Variants in CHST12 observed in about 807,000 individuals in gnomAD.
CHST12 encodes carbohydrate (chondroitin 4) sulfotransferase 12.
Under a neutral mutation model 27.9 loss-of-function variants are expected in CHST12, and 23 were observed. The observed-to-expected ratio is 0.82, with a 90% CI of 0.59 to 1.17. The LOEUF (loss-of-function observed/expected upper bound fraction) is 1.17. CHST12 is among the 50% of genes most tolerant of loss of function. The pLI is 0.00. For synonymous variants in CHST12, 322 were observed against 273.0 expected (o/e 1.18, Z -1.77); for missense variants, 682 against 603.0 (o/e 1.13, Z -1.37).
In CHST12 at chr7:2,433,713, G is replaced by T. The variant is rs914777420; in HGVS notation, c.1074G>T (p.Val358=). The T allele has an allele frequency of 1.2e-6, 2 of 1,613,510 alleles. No individual in the cohort carries two copies. Among genetic ancestry groups the T allele is most frequent in the African/African-American group, 2.7e-5 (2 of 74,936 alleles). Residue 358 remains valine, a synonymous_variant, in exon 2 of 2, where the codon GTG becomes GTT. Transcript: ENST00000618655. The surrounding 1 kb of genome is among the most constrained non-coding windows in gnomAD (Gnocchi z 6.1). ...CGCAGCTGCTGCAGCTACTCCAGGT[G>T]GACCGGCAGCTCCGCTTCCCCCCGA... ...DAAQLLQLLQ[V]DRQLRFPPSY... is the part of the protein sequence containing the mutation.
At chr7:2,418,788 G>T (rs111265006) in intron 1 of CHST12, among the ~76,000 whole-genome samples, 4 of 142,150 alleles carry the variant, frequency 2.8e-5, no homozygotes, top group African/African-American at 1.1e-4. Flanking sequence ...TGTTGTTTCT[G>T]TTGCTGTTGT....
chr7:2,413,581 A>T (rs1295435229), intron 1 of CHST12, among the ~76,000 whole-genome samples: 2 of 152,100 alleles, frequency 1.3e-5, no homozygotes, highest in African/African-American at 4.8e-5. Flanking sequence ...TAAATGTCAT[A>T]TAAATGGAAC....
intron 1 of CHST12, among the ~76,000 whole-genome samples, chr7:2,406,071 T>G (rs917518337): frequency 6.6e-6 from 1 of 152,096 alleles, no homozygotes; most frequent in African/African-American, 2.4e-5. Context: ...AGACGGGTTA[T>G]TGATGATACT....
intron 1 of CHST12, among the ~76,000 whole-genome samples, chr7:2,416,242 C>T (rs1286374968): frequency 6.6e-6 from 1 of 152,216 alleles, no homozygotes; most frequent in Non-Finnish European, 1.5e-5. Context: ...TATTTGGCCA[C>T]ATCTTCAGGC....
In CHST12 at chr7:2,433,670, C is replaced by A; in HGVS notation, c.1031C>A (p.Thr344Asn). The change falls in exon 2 of 2, where the codon ACT becomes AAT. Residue 344 changes from threonine to asparagine, a missense_variant. Thr to Asn is a moderately conservative substitution (Grantham distance 65). Coordinates refer to ENST00000618655, the MANE Select transcript of CHST12 (RefSeq NM_018641.5). This position sits in a 1 kb window ranked among gnomAD's most constrained non-coding sequence, Gnocchi z 6.1. ...TACGACTTCGTGGGGAAGCTGGAGA[C>A]TCTGGACGAGGACGCCGCGCAGCTG... ...IDYDFVGKLE[T>N]LDEDAAQLLQ... 6.2e-7 allele frequency: 1 copy of A among 1,613,566 alleles called. No homozygotes were observed. Among genetic ancestry groups the A allele is most frequent in the Non-Finnish European group, 8.5e-7 (1 of 1,179,760 alleles).
At chr7:2,412,898 GTT>G (rs11330967) in intron 1 of CHST12, among the ~76,000 whole-genome samples, 16 of 146,874 alleles carry the variant, frequency 1.1e-4, no homozygotes, top group African/African-American at 2.5e-4. Context: ...CAAATAGACA[GTT>G]TTTTTTTTTT....
intron 1 of CHST12, among the ~76,000 whole-genome samples, chr7:2,423,947 G>A (rs1033834306): frequency 6.6e-6 from 1 of 152,050 alleles, no homozygotes; most frequent in Non-Finnish European, 1.5e-5. Flanking sequence ...CACGCCTATG[G>A]TCCCAGCTAC....
chr7:2,425,888 A>G (rs911079758), intron 1 of CHST12, among the ~76,000 whole-genome samples: 8 of 151,898 alleles, frequency 5.3e-5, no homozygotes, highest in African/African-American at 1.9e-4. Flanking sequence ...TTCTGAATGC[A>G]GATTCTGGGG....
chr7:2,426,417 TACAC>T (rs1337601329), intron 1 of CHST12, among the ~76,000 whole-genome samples: 4 of 152,106 alleles, frequency 2.6e-5, no homozygotes, highest in African/African-American at 9.7e-5. Context: ...TAATTAAACA[TACAC>T]ACCCCAAATA....
rs375932272 is a variant in CHST12 at position 2,439,032 on chromosome 7, C to T, written c.*5148C>T. ...AGGGCCACCAGATCGGGGGCCGGGC[C>T]GGGGTGAGCACCTGAAGCCGGCTCC... On this transcript the variant is annotated 3_prime_UTR_variant, in exon 2 of 2. Transcript: ENST00000618655. 9.2e-5 allele frequency: 14 copies of T among 152,342 alleles called. No individual in the cohort carries two copies. Among genetic ancestry groups the T allele is most frequent in the African/African-American group, 2.2e-4 (9 of 41,570 alleles). 9.4% of individuals were successfully genotyped at this position (152,342 alleles called of 1,614,324 possible).
chr7:2,439,814 G>A lies in CHST12; in HGVS notation c.*5930G>A, dbSNP rs945750369. ...GAATGGCGTGAACCCGGGAGGCGGA[G>A]CTTGCAGTGAGCGGAGATTGGCGCC... is the stretch of plus-strand genomic sequence containing the variant. On this transcript the variant is annotated 3_prime_UTR_variant, in exon 2 of 2. Transcript: ENST00000618655. The A allele has an allele frequency of 9.2e-5, 14 of 151,958 alleles. No homozygotes were observed. Among genetic ancestry groups the A allele is most frequent in the African/African-American group, 3.1e-4 (13 of 41,438 alleles). 9.4% of individuals were successfully genotyped at this position (151,958 alleles called of 1,614,324 possible).
At chr7:2,413,204 G>C (rs1412758138) in intron 1 of CHST12, among the ~76,000 whole-genome samples, 2 of 152,204 alleles carry the variant, frequency 1.3e-5, no homozygotes, top group African/African-American at 2.4e-5. Flanking sequence ...CTTGGTCTCA[G>C]TATCCCTTCC....
chr7:2,420,776 C>A (rs1447671023), intron 1 of CHST12, among the ~76,000 whole-genome samples: 1 of 152,142 alleles, frequency 6.6e-6, no homozygotes, highest in Non-Finnish European at 1.5e-5. Flanking sequence ...CACAGTGAGA[C>A]CCTGTCTCAG....
chr7:2,410,914 G>A (rs1301466714), intron 1 of CHST12, among the ~76,000 whole-genome samples: 1 of 152,082 alleles, frequency 6.6e-6, no homozygotes, highest in Non-Finnish European at 1.5e-5. Context: ...AAAATGGATT[G>A]TGTGGGCCTG....
intron 1 of CHST12, among the ~76,000 whole-genome samples, chr7:2,416,641 A>T (rs1275837952): frequency 1.3e-5 from 2 of 152,224 alleles, no homozygotes; most frequent in African/African-American, 4.8e-5. Flanking sequence ...GTATTTTGCC[A>T]AGGTTAAGAA....
At position 2,432,974 on chromosome 7, in the gene CHST12, G is replaced by T. The variant is rs774169204; in HGVS notation, c.335G>T (p.Arg112Leu). ...RGYDWSPRDA[R>L]RSPDQGRQQA... ...TACGACTGGTCCCCGCGCGACGCCC[G>T]GCGCAGCCCAGACCAGGGCCGGCAG... Residue 112 changes from arginine to leucine, a missense_variant, in exon 2 of 2, where the codon CGG becomes CTG. Physicochemically the swap from Arg to Leu is moderately radical, Grantham distance 102. Transcript: ENST00000618655. The T allele has an allele frequency of 1.9e-6, 3 of 1,608,678 alleles. No homozygotes were observed. Among genetic ancestry groups the T allele is most frequent in the Admixed American group, 3.3e-5 (2 of 59,820 alleles).
Position 2,433,224 on chromosome 7 carries a change from C to T in CHST12, c.585C>T (p.Pro195=), listed in dbSNP as rs1450888731. Reference sequence around the variant, plus strand: ...GAAGCCTGCTGCACCGCGGTGCGCCCTACCGCGACCCGCTGCGCATCCCGC... The same window carrying T: ...GAAGCCTGCTGCACCGCGGTGCGCCTTACCGCGACCCGCTGCGCATCCCGC... ...LSGSLLHRGA[P]YRDPLRIPRE... Residue 195 remains proline (P), a synonymous_variant, in exon 2 of 2, where the codon CCC becomes CCT. Coordinates refer to ENST00000618655, the MANE Select transcript of CHST12 (RefSeq NM_018641.5). The surrounding 1 kb of genome is among the most constrained non-coding windows in gnomAD (Gnocchi z 6.1). The T allele has an allele frequency of 3.1e-6, 5 of 1,612,196 alleles. No individual in the cohort carries two copies. The highest frequency in any genetic ancestry group is 1.7e-5 in the Admixed American group (1 of 59,968).
In CHST12 at chr7:2,435,462, C is replaced by G. The variant is rs964109156; in HGVS notation, c.*1578C>G. Reference sequence around the variant, plus strand: ...CCTTGAACCCTCAGGTTTGATGGGCCCTGTCTTGATAAAAGTGTCAGAGGA... The same window carrying G: ...CCTTGAACCCTCAGGTTTGATGGGCGCTGTCTTGATAAAAGTGTCAGAGGA... On this transcript the variant is annotated 3_prime_UTR_variant, in exon 2 of 2. Transcript: ENST00000618655. The G allele has an allele frequency of 6.6e-6, 1 of 152,092 alleles. No homozygotes were observed. The highest frequency in any genetic ancestry group is 1.5e-5 in the Non-Finnish European group (1 of 68,040). 9.4% of individuals were successfully genotyped at this position (152,092 alleles called of 1,614,324 possible).
intron 1 of CHST12, among the ~76,000 whole-genome samples, chr7:2,406,321 A>G (rs189521187): frequency 6.6e-6 from 1 of 151,148 alleles, no homozygotes; most frequent in Admixed American, 6.6e-5. Flanking sequence ...TAGAAACTTT[A>G]AAGATATTTC....
Sources: gnomAD v4.1 joint callset for allele counts (sites outside exome capture counted in the v4.1 genomes callset) on GRCh38, gnomAD v4.1.1 for gene constraint, Gnocchi (gnomAD v3.1) non-coding constraint, MANE v1.5 for transcripts, NCBI Gene and HGNC (gene_info 2026-07-23, HGNC 2026-07-21) for gene names.